Variants in CCDC14 observed in about 807,000 individuals in gnomAD.
The protein encoded by CCDC14 is coiled-coil domain containing 14.
Under a neutral mutation model 81.4 loss-of-function variants are expected in CCDC14, and 71 were observed. The ratio of observed to expected loss-of-function variants is 0.87; its 90% CI spans 0.72 to 1.06. CCDC14 has a LOEUF of 1.06. Ranked by LOEUF, CCDC14 falls within the 50% of genes least tolerant of loss-of-function variation. The pLI, the probability that CCDC14 is intolerant of heterozygous loss-of-function variation, is 0.00. For synonymous variants in CCDC14, 332 were observed against 364.8 expected, an observed-to-expected ratio of 0.91 and a Z score of 1.03; for missense variants, 1,046 against 1,047.3, an observed-to-expected ratio of 1.00 and a Z score of 0.02.
chr3:123,912,757 T>A (rs1379293671), downstream of CCDC14, among the ~76,000 whole-genome samples: 1 of 151,924 alleles, frequency 6.6e-6, no homozygotes, highest in Non-Finnish European at 1.5e-5. Flanking sequence ...CACCACCAGA[T>A]CCCCAAATAC....
At chr3:123,906,290 A>G (rs2034308216) in intron 5 of CCDC14, among the ~76,000 whole-genome samples, 1 of 152,112 alleles carries the variant, frequency 6.6e-6, no homozygotes, top group Non-Finnish European at 1.5e-5. Flanking sequence ...AGATCGCGCC[A>G]CTGCACTCCA....
chr3:123,892,730 C>A (rs1398304489), downstream of CCDC14, among the ~76,000 whole-genome samples: 2 of 152,090 alleles, frequency 1.3e-5, no homozygotes, highest in African/African-American at 4.8e-5. Context: ...CAAACCATTT[C>A]ACAACTCTTC....
intron 9 of CCDC14, among the ~76,000 whole-genome samples, chr3:123,934,514 T>G (rs995401874): frequency 6.6e-6 from 1 of 152,164 alleles, no homozygotes; most frequent in Admixed American, 6.5e-5. Flanking sequence ...ATCTGCCTGA[T>G]GTTTGTCATA....
chr3:123,888,547 G>A, the CCDC14 span, among the ~76,000 whole-genome samples: 14 of 152,114 alleles, frequency 9.2e-5, no homozygotes, highest in Non-Finnish European at 1.9e-4. Context: ...CCTGAAACTG[G>A]GTAATTTATG....
At chr3:123,931,602 A>AAC in intron 10 of CCDC14, 76 bp from the exon 11 acceptor site, 2 of 141,060 alleles carry the variant, frequency 1.4e-5, no homozygotes, top group Non-Finnish European at 1.8e-5. Flanking sequence ...CTGTTTCTTA[A>AAC]AAAAAAAAAA....
chr3:123,894,983 C>T (rs974548306), downstream of CCDC14, among the ~76,000 whole-genome samples: 1 of 152,296 alleles, frequency 6.6e-6, no homozygotes, highest in Middle Eastern at 3.4e-3. Context: ...TGAAGAAGAC[C>T]ATGTCCAAAC....
At chr3:123,910,736 TG>T (rs1277263035), downstream of CCDC14, among the ~76,000 whole-genome samples, 10 of 152,150 alleles carry the variant, frequency 6.6e-5, no homozygotes, top group Admixed American at 6.6e-4. Flanking sequence ...CTTAGATGTG[TG>T]TAATAAAACT....
At chr3:123,935,797 TA>T (rs2036028610) in intron 9 of CCDC14, among the ~76,000 whole-genome samples, 1 of 152,198 alleles carries the variant, frequency 6.6e-6, no homozygotes, top group African/African-American at 2.4e-5. Context: ...GTAACCAATC[TA>T]AACTTCTAAT....
rs760892940 is a variant in CCDC14, at chr3:123,915,060, T to G, written c.2437A>C (p.Lys813Gln). The G allele has an allele frequency of 1.6e-5, 26 of 1,613,898 alleles. No individual in the cohort carries two copies. Among genetic ancestry groups the G allele is most frequent in the Non-Finnish European group, 2.2e-5 (26 of 1,179,898 alleles). The change falls in exon 13 of 13, where the codon AAG becomes CAG. Residue 813 changes from lysine to glutamine, a missense_variant. Lys to Gln is a moderately conservative substitution (Grantham distance 53). Transcript: ENST00000409697. Reference sequence around the variant, plus strand: ...GCAGGGATCTTACCAATTGCTTCCTTTATTTTCTTGAGGAGCTGTGTGTCC... The same window carrying G: ...GCAGGGATCTTACCAATTGCTTCCTGTATTTTCTTGAGGAGCTGTGTGTCC... Reference protein sequence around the residue: ...MKDTQLLKKIKEAIGKIPAAT... With the variant: ...MKDTQLLKKIQEAIGKIPAAT...
chr3:123,929,451 C>T (rs2035579841), intron 12 of CCDC14, among the ~76,000 whole-genome samples: 1 of 151,962 alleles, frequency 6.6e-6, no homozygotes, highest in African/African-American at 2.4e-5. Flanking sequence ...TACAGGCATG[C>T]ACGACCACGC....
intron 12 of CCDC14, among the ~76,000 whole-genome samples, chr3:123,919,238 C>G (rs1408366304): frequency 6.6e-6 from 1 of 152,192 alleles, no homozygotes; most frequent in Non-Finnish European, 1.5e-5. Context: ...AAACTGCATC[C>G]TTACATATCT....
chr3:123,947,976 A>T (rs2036756343), intron 7 of CCDC14, among the ~76,000 whole-genome samples: 2 of 152,152 alleles, frequency 1.3e-5, no homozygotes, highest in African/African-American at 4.8e-5. Context: ...TTTTTAATAA[A>T]GTATTAAGTG....
chr3:123,946,774 T>C (rs1012917374), intron 8 of CCDC14, 29 bp downstream of exon 8: 2 of 1,586,600 alleles, frequency 1.3e-6, no homozygotes, highest in African/African-American at 2.7e-5. Context: ...TATAACACCA[T>C]ACTACAGAAA....
the CCDC14 span, among the ~76,000 whole-genome samples, chr3:123,890,512 C>A: frequency 6.6e-6 from 1 of 152,108 alleles, no homozygotes; most frequent in Admixed American, 6.5e-5. Flanking sequence ...GAGAATTTGG[C>A]CAAAATAAAG....
At chr3:123,906,145 C>A (rs952831010) in intron 5 of CCDC14, among the ~76,000 whole-genome samples, 1 of 151,842 alleles carries the variant, frequency 6.6e-6, no homozygotes. Flanking sequence ...CTGGCTAACA[C>A]GGTGAAACCC....
chr3:123,888,218 A>G, the CCDC14 span, among the ~76,000 whole-genome samples: 6 of 152,074 alleles, frequency 3.9e-5, no homozygotes, highest in Non-Finnish European at 8.8e-5. Flanking sequence ...AATTTTTTTG[A>G]GAATATCTTT....
Position 123,913,832 on chromosome 3 carries a change from A to G in CCDC14, c.*947T>C. On this transcript the variant is annotated 3_prime_UTR_variant, in exon 13 of 13. Transcript: ENST00000409697. ...GTGATAACACAACATTCAGCTTCCT[A>G]AGAGTTAAAACGTGCTGCTTACATG... The G allele has an allele frequency of 1.0e-6, 1 of 985,372 alleles. No homozygotes were observed. Among genetic ancestry groups the G allele is most frequent in the Non-Finnish European group, 1.2e-6 (1 of 829,904 alleles). The allele number at this position is 985,372 out of a possible 1,614,324, so 61.0% of individuals were successfully genotyped here.
chr3:123,952,808 A>T, intron 5 of CCDC14: 1 of 242,942 alleles, frequency 4.1e-6, no homozygotes, highest in South Asian at 5.3e-5. Context: ...GACGGTAAAG[A>T]GAACAAGTTA....
the CCDC14 span, among the ~76,000 whole-genome samples, chr3:123,887,545 G>T: frequency 6.6e-6 from 1 of 152,196 alleles, no homozygotes; most frequent in African/African-American, 2.4e-5. Context: ...AGTTCTGGGG[G>T]CTGGGAAGTC....
Sources: allele counts gnomAD v4.1 joint callset (sites outside exome capture counted in the v4.1 genomes callset), GRCh38; gene constraint gnomAD v4.1.1; transcripts MANE v1.5; gene names NCBI Gene and HGNC (gene_info 2026-07-23, HGNC 2026-07-21).